The following GATAD2A variants were observed in gnomAD, a reference collection of about 807,000 sequenced individuals.
GATAD2A encodes transcriptional repressor p66-alpha.
Under a neutral mutation model 68.5 loss-of-function variants are expected in GATAD2A, and 12 were observed. The observed-to-expected ratio is 0.18, with a 90% CI of 0.11 to 0.28. The LOEUF is 0.28. Ranked by LOEUF, GATAD2A falls within the 10% of genes least tolerant of loss-of-function variation. GATAD2A has a pLI of 1.00. For synonymous variants in GATAD2A, 410 were observed against 375.3 expected, an observed-to-expected ratio of 1.09 and a Z score of -1.07; for missense variants, 755 against 868.5, an observed-to-expected ratio of 0.87 and a Z score of 1.64.
rs571916966 is a variant in GATAD2A at position 19,491,658 on chromosome 19, C to T, written c.270-648C>T. 3.9e-5 allele frequency among the ~76,000 whole-genome samples: 6 copies of T among 152,338 alleles called. No homozygotes were observed. In the South Asian group the frequency reaches 1.2e-3, roughly 32 times the overall value. On this transcript the variant is annotated intron_variant, in intron 2 of 11. Coordinates refer to ENST00000683918, the MANE Select transcript of GATAD2A (RefSeq NM_001384528.1). ...GTTTCAAAACAGACAGCCACTGCCG[C>T]CATGTGGGGCCCAAGAAGGGCCATC... is the stretch of plus-strand genomic sequence containing the variant.
At chr19:19,483,651 G>C (rs1255425024) in intron 2 of GATAD2A, among the ~76,000 whole-genome samples, 5 of 151,888 alleles carry the variant, frequency 3.3e-5, no homozygotes, top group African/African-American at 1.2e-4. Context: ...GTCTCGGTCT[G>C]TCATCCAGCA....
At chr19:19,460,198 A>T (rs1379184704) in intron 1 of GATAD2A, among the ~76,000 whole-genome samples, 1 of 152,218 alleles carries the variant, frequency 6.6e-6, no homozygotes, top group East Asian at 1.9e-4. Context: ...GGGGGTACAG[A>T]TCCAGGATGT....
intron 1 of GATAD2A, among the ~76,000 whole-genome samples, chr19:19,422,330 A>G (rs1462512666): frequency 6.6e-6 from 1 of 152,188 alleles, no homozygotes; most frequent in African/African-American, 2.4e-5. Context: ...CTCTTGGAGC[A>G]GGGTTCCCCA....
At chr19:19,492,200 CAG>C (rs1473522525) in intron 2 of GATAD2A, 104 bp from the exon 3 acceptor site, 22 of 1,185,180 alleles carry the variant, frequency 1.9e-5, no homozygotes, top group South Asian at 8.7e-5. Context: ...GCAGGGCAGA[CAG>C]GGAACAGACG....
rs747842506 is a variant in GATAD2A, at chr19:19,492,570, C to T, written c.403-11C>T. The T allele has an allele frequency of 1.1e-5, 18 of 1,614,008 alleles. No individual in the cohort carries two copies. In the East Asian group the frequency reaches 2.0e-4, roughly 18 times the overall value. ...CGCTCCCTCTCAACCCTGTTCCTCT[C>T]GCCCCTGCAGAAAAGCAGTCCTGAA... On this transcript the variant is annotated splice_polypyrimidine_tract_variant and intron_variant, in intron 3 of 11. Coordinates refer to ENST00000683918, the MANE Select transcript of GATAD2A (RefSeq NM_001384528.1).
At chr19:19,486,450 G>T (rs2059434707) in intron 2 of GATAD2A, among the ~76,000 whole-genome samples, 1 of 152,214 alleles carries the variant, frequency 6.6e-6, no homozygotes, top group Non-Finnish European at 1.5e-5. Context: ...AGGCCGTGGT[G>T]CTGCTGCCAT....
chr19:19,461,164 C>T (rs1357574179), intron 1 of GATAD2A, among the ~76,000 whole-genome samples: 7 of 152,196 alleles, frequency 4.6e-5, no homozygotes, highest in Non-Finnish European at 1.0e-4. Flanking sequence ...AGCATCAGCC[C>T]TGCTGCTCCC....
In GATAD2A at chr19:19,506,199, C is replaced by T. The variant is rs1055002380; in HGVS notation, c.*725C>T. 2.5e-6 allele frequency: 1 copy of T among 398,782 alleles called. No homozygotes were observed. The allele number at this position is 398,782 out of a possible 1,614,324, so 24.7% of individuals were successfully genotyped here. A position where few individuals can be genotyped will look rare whatever the true frequency, so the allele number is the denominator to read the frequency against. The stretch of plus-strand genomic sequence containing the variant: ...TCGCTCCAGCTGAACGCCTCCATTG[C>T]TGCTTGTTCTGGAGACCCCCGCCCC... On this transcript the variant is annotated 3_prime_UTR_variant, in exon 12 of 12. Transcript: ENST00000683918.
rs532439953 is a variant in GATAD2A at position 19,454,735 on chromosome 19, C to CCCCG, written c.-6-10603_-6-10602insCGCC. On this transcript the variant is annotated intron_variant, in intron 1 of 11. Coordinates refer to ENST00000683918, the MANE Select transcript of GATAD2A (RefSeq NM_001384528.1). ...ACAGGTGTGAGCCACTGTGCCCCCC[C>CCCCG]CCACCCCCTTAGGTTTCTGTTTTTG... Among the ~76,000 whole-genome samples, 1,055 of 130,906 alleles carry CCCCG rather than the reference C, an allele frequency of 8.1e-3. 23 individuals carry two copies. The highest frequency in any genetic ancestry group is 0.027 in the African/African-American group (1,010 of 36,816). The allele number at this position is 130,906 out of a possible 152,430, so 85.9% of individuals were successfully genotyped here.
At chr19:19,452,499 G>A (rs534404105) in intron 1 of GATAD2A, among the ~76,000 whole-genome samples, 1 of 152,074 alleles carries the variant, frequency 6.6e-6, no homozygotes, top group South Asian at 2.1e-4. Flanking sequence ...TCTCAACCAG[G>A]CAGAAGGCTT....
At chr19:19,418,678 T>C (rs2051950888) in intron 1 of GATAD2A, among the ~76,000 whole-genome samples, 1 of 152,182 alleles carries the variant, frequency 6.6e-6, no homozygotes, top group African/African-American at 2.4e-5. Context: ...AACAACCACA[T>C]GAATTATTCT....
At chr19:19,494,471 C>T in intron 5 of GATAD2A, 88 bp downstream of exon 5, 1 of 795,852 alleles carries the variant, frequency 1.3e-6, no homozygotes, top group Non-Finnish European at 2.1e-6. Context: ...ACAGCCCTGG[C>T]CCAGGTTCTG....
upstream of GATAD2A, among the ~76,000 whole-genome samples, chr19:19,404,507 C>T (rs201369400): frequency 2.6e-5 from 4 of 151,798 alleles, no homozygotes; most frequent in East Asian, 7.7e-4. Flanking sequence ...GGTGAAACCC[C>T]GTCTCTACTA....
At position 19,501,995 on chromosome 19, in the gene GATAD2A, G is replaced by T. The variant is rs116061660; in HGVS notation, c.1530G>T (p.Ala510=). 3 of 1,613,966 alleles carry T rather than the reference G, an allele frequency of 1.9e-6. No homozygotes were observed. The highest frequency in any genetic ancestry group is 2.5e-6 in the Non-Finnish European group (3 of 1,179,912). Residue 510 remains alanine (A), a synonymous_variant, in exon 10 of 12, where the codon GCG becomes GCT. Coordinates refer to ENST00000683918, the MANE Select transcript of GATAD2A (RefSeq NM_001384528.1). ...KQVIKPRRKL[A]FRSGEARDWS... ...TCATAAAACCCCGGCGTAAGTTGGC[G>T]TTCCGCTCAGGAGAGGCCCGCGACT...
At chr19:19,437,854 T>C (rs1271346161) in intron 1 of GATAD2A, among the ~76,000 whole-genome samples, 1 of 152,238 alleles carries the variant, frequency 6.6e-6, no homozygotes, top group Non-Finnish European at 1.5e-5. Context: ...TCTACTTTTT[T>C]AGTTATTGTG....
intron 1 of GATAD2A, among the ~76,000 whole-genome samples, chr19:19,428,964 G>T (rs2053412358): frequency 6.6e-6 from 1 of 151,840 alleles, no homozygotes; most frequent in Non-Finnish European, 1.5e-5. Context: ...CTATCTCCAT[G>T]TGGCTTCTTC....
At chr19:19,388,738 C>G (rs946360873) in intron 1 of GATAD2A, among the ~76,000 whole-genome samples, 3 of 152,060 alleles carry the variant, frequency 2.0e-5, no homozygotes, top group African/African-American at 4.8e-5. Context: ...TGTCCCATCC[C>G]TCAGTCCTCC....
At chr19:19,490,526 A>T (rs984838363) in intron 2 of GATAD2A, among the ~76,000 whole-genome samples, 1 of 152,040 alleles carries the variant, frequency 6.6e-6, no homozygotes, top group Non-Finnish European at 1.5e-5. Flanking sequence ...CAACCAGTTA[A>T]CTTTGTCCGA....
intron 2 of GATAD2A, among the ~76,000 whole-genome samples, chr19:19,474,624 T>A (rs2148151765): frequency 6.6e-6 from 1 of 152,340 alleles, no homozygotes; most frequent in Middle Eastern, 3.4e-3. Flanking sequence ...AATTTGGGCC[T>A]GGTGTGAGCA....
Sources: gnomAD v4.1 joint callset for allele counts (sites outside exome capture counted in the v4.1 genomes callset) on GRCh38, gnomAD v4.1.1 for gene constraint, MANE v1.5 for transcripts, NCBI Gene and HGNC (gene_info 2026-07-23, HGNC 2026-07-21) for gene names.